Variants in ATG10 observed in about 807,000 individuals in gnomAD.
ATG10 encodes autophagy related 10.
A neutral mutation model predicts 32.1 loss-of-function variants in ATG10; 30 were observed. The ratio of observed to expected loss-of-function variants is 0.94; its 90% confidence interval spans 0.70 to 1.27. The LOEUF is 1.27. Ranked by LOEUF, ATG10 falls within the 50% of genes most tolerant of loss-of-function variation. The pLI is 0.00. For missense variants in ATG10, 233 were observed against 262.3 expected, an observed-to-expected ratio of 0.89 and a Z score of 0.77; for synonymous variants, 87 against 91.5, an observed-to-expected ratio of 0.95 and a Z score of 0.28.
At chr5:81,986,219 GGTTT>G (rs1376818637) in intron 1 of ATG10, among the ~76,000 whole-genome samples, 1 of 152,126 alleles carries the variant, frequency 6.6e-6, no homozygotes, top group African/African-American at 2.4e-5. Flanking sequence ...TTTGATGTTT[GGTTT>G]GTTTAACGTT....
chr5:82,141,557 C>G (rs985071921), intron 3 of ATG10, among the ~76,000 whole-genome samples: 4 of 151,394 alleles, frequency 2.6e-5, no homozygotes, highest in African/African-American at 9.7e-5. Context: ...AAGTATCAGT[C>G]ATAATATACC....
intron 3 of ATG10, among the ~76,000 whole-genome samples, chr5:82,060,591 G>A (rs973966061): frequency 6.6e-6 from 1 of 152,142 alleles, no homozygotes; most frequent in South Asian, 2.1e-4. Context: ...GGCCGGGTGC[G>A]GTGGCTCAAC....
intron 7 of ATG10, 136 bp downstream of exon 7, chr5:82,253,565 A>T (rs1747348191): frequency 1.6e-6 from 1 of 634,798 alleles, no homozygotes; most frequent in Admixed American, 2.5e-5. Flanking sequence ...TTAGTTTTCC[A>T]ATCAGTCCCC....
chr5:82,019,638 T>G (rs779895975), intron 2 of ATG10, among the ~76,000 whole-genome samples: 5 of 152,112 alleles, frequency 3.3e-5, no homozygotes, highest in Non-Finnish European at 5.9e-5. Context: ...AAAACCACTC[T>G]CTCCTCTCCC....
At chr5:82,161,496 G>C (rs1293048822) in intron 3 of ATG10, among the ~76,000 whole-genome samples, 1 of 152,034 alleles carries the variant, frequency 6.6e-6, no homozygotes, top group Non-Finnish European at 1.5e-5. Flanking sequence ...GCACATTCCT[G>C]AGTGCTTAAT....
At chr5:82,152,628 G>A (rs1022664112) in intron 3 of ATG10, among the ~76,000 whole-genome samples, 1 of 152,142 alleles carries the variant, frequency 6.6e-6, no homozygotes, top group Non-Finnish European at 1.5e-5. Context: ...GAGCTGGGTA[G>A]GAGGGCTACT....
chr5:82,051,472 A>G (rs1763422661), intron 2 of ATG10, among the ~76,000 whole-genome samples: 1 of 152,232 alleles, frequency 6.6e-6, no homozygotes, highest in South Asian at 2.1e-4. Context: ...AAATTTCTTT[A>G]TCAAAGATGA....
intron 2 of ATG10, among the ~76,000 whole-genome samples, chr5:81,997,765 C>T (rs111998829): frequency 9.2e-4 from 140 of 152,250 alleles, no homozygotes; most frequent in Middle Eastern, 3.4e-3. Flanking sequence ...ACAGCAGAAT[C>T]GACCAAGCTG....
chr5:81,983,912 G>A (rs545591501), intron 1 of ATG10, among the ~76,000 whole-genome samples: 3 of 151,722 alleles, frequency 2.0e-5, no homozygotes, highest in Non-Finnish European at 2.9e-5. Flanking sequence ...ATGGGCGGCC[G>A]GGCAGAGACA....
intron 3 of ATG10, among the ~76,000 whole-genome samples, chr5:82,091,007 C>A (rs932082240): frequency 6.6e-6 from 1 of 152,066 alleles, no homozygotes; most frequent in Non-Finnish European, 1.5e-5. Context: ...ATTCACACAA[C>A]CATGATGGTG....
intron 3 of ATG10, among the ~76,000 whole-genome samples, chr5:82,131,296 A>G (rs1766509754): frequency 6.6e-6 from 1 of 152,214 alleles, no homozygotes; most frequent in Admixed American, 6.5e-5. Context: ...TTTAAGGACA[A>G]ATCTTCATTC....
intron 1 of ATG10, among the ~76,000 whole-genome samples, chr5:81,975,201 C>A (rs1760834381): frequency 6.6e-6 from 1 of 152,136 alleles, no homozygotes; most frequent in South Asian, 2.1e-4. Flanking sequence ...CATACTAATT[C>A]TTTAAACAGT....
chr5:82,094,279 T>C (rs1764982663), intron 3 of ATG10, among the ~76,000 whole-genome samples: 1 of 152,172 alleles, frequency 6.6e-6, no homozygotes, highest in Admixed American at 6.6e-5. Context: ...ATATATTTTG[T>C]ACAGTTTTTT....
intron 5 of ATG10, among the ~76,000 whole-genome samples, chr5:82,202,093 C>G (rs374634241): frequency 6.6e-6 from 1 of 152,044 alleles, no homozygotes; most frequent in African/African-American, 2.4e-5. Flanking sequence ...CCTTTCTAAC[C>G]TTTCTCCTTT....
rs1419934419 is a variant in ATG10, at chr5:82,224,262, A to G, written c.454-28300A>G. The stretch of plus-strand genomic sequence containing the variant: ...GCCAGCCTGCAGGGAAAACAAGTAG[A>G]GGGCCATGCAATTGAAACTTTATTA... On this transcript the variant is annotated intron_variant, in intron 5 of 7. Transcript: ENST00000282185. 3.9e-5 allele frequency among the ~76,000 whole-genome samples: 6 copies of G among 152,188 alleles called. No homozygotes were observed. The South Asian group carries it at 8.3e-4, about 21-fold the overall frequency.
intron 5 of ATG10, among the ~76,000 whole-genome samples, chr5:82,187,926 C>T (rs964909057): frequency 1.3e-5 from 2 of 152,108 alleles, no homozygotes; most frequent in Non-Finnish European, 2.9e-5. Flanking sequence ...GGCTTTACAC[C>T]TTGGAGTGTT....
intron 1 of ATG10, among the ~76,000 whole-genome samples, chr5:81,977,042 A>G (rs941405934): frequency 2.0e-5 from 3 of 152,052 alleles, no homozygotes; most frequent in East Asian, 1.9e-4. Flanking sequence ...TGCCAGGCTA[A>G]TTTTTGTATT....
intron 3 of ATG10, among the ~76,000 whole-genome samples, chr5:82,061,791 TAC>T (rs1491046919): frequency 1.5e-5 from 2 of 134,422 alleles, no homozygotes; most frequent in Non-Finnish European, 3.2e-5. Context: ...TATATATATA[TAC>T]GTATACATAC....
chr5:82,170,158 T>G (rs1581765283), intron 4 of ATG10, among the ~76,000 whole-genome samples: 1 of 152,212 alleles, frequency 6.6e-6, no homozygotes, highest in African/African-American at 2.4e-5. Context: ...ACAAGGTAAG[T>G]ACATTAATTT....
Sources: allele counts gnomAD v4.1 joint callset (sites outside exome capture counted in the v4.1 genomes callset), GRCh38; gene constraint gnomAD v4.1.1; transcripts MANE v1.5; gene names NCBI Gene and HGNC (gene_info 2026-07-23, HGNC 2026-07-21).